Variants in NDST3 observed in about 807,000 individuals in gnomAD.
NDST3 encodes the protein bifunctional heparan sulfate N-deacetylase/N-sulfotransferase 3.
A neutral mutation model predicts 96.1 loss-of-function variants in NDST3; 58 were observed. The observed-to-expected ratio is 0.60, with a 90% CI of 0.49 to 0.75. The LOEUF (loss-of-function observed/expected upper bound fraction) is 0.75. Among genes scored for constraint, NDST3 ranks in the 30% least tolerant of loss-of-function variants. NDST3 has a pLI of 0.00. For missense variants in NDST3, 788 were observed against 1,034.2 expected, an observed-to-expected ratio of 0.76 and a Z score of 3.27; for synonymous variants, 333 against 359.7, an observed-to-expected ratio of 0.93 and a Z score of 0.84.
intron 13 of NDST3, among the ~76,000 whole-genome samples, chr4:118,254,454 T>G (rs967976203): frequency 6.6e-6 from 1 of 152,176 alleles, no homozygotes; most frequent in East Asian, 1.9e-4. Context: ...ACACACACTT[T>G]GCAGTATGTA....
chr4:118,138,798 G>GT (rs1354240827), intron 5 of NDST3, among the ~76,000 whole-genome samples: 2 of 152,114 alleles, frequency 1.3e-5, no homozygotes, highest in Non-Finnish European at 1.5e-5. Context: ...TCTCTGTTTT[G>GT]TTTTTTACAA....
intron 6 of NDST3, among the ~76,000 whole-genome samples, chr4:118,158,776 G>A (rs74971241): frequency 1.3e-5 from 2 of 152,300 alleles, no homozygotes; most frequent in East Asian, 3.9e-4. Context: ...CTGATATTAT[G>A]CACCTCCTGT....
At chr4:118,084,267 T>C (rs1241882488) in intron 2 of NDST3, among the ~76,000 whole-genome samples, 2 of 152,158 alleles carry the variant, frequency 1.3e-5, no homozygotes, top group East Asian at 3.9e-4. Flanking sequence ...GATGGATATG[T>C]TATTTGCTTC....
At chr4:118,174,566 T>C (rs1736158347) in intron 6 of NDST3, among the ~76,000 whole-genome samples, 1 of 152,178 alleles carries the variant, frequency 6.6e-6, no homozygotes, top group African/African-American at 2.4e-5. Context: ...TCTTAAAGCA[T>C]GTATGTTTCC....
chr4:118,115,383 G>A lies in NDST3; in HGVS notation c.1224+423G>A, dbSNP rs181379814. Among the ~76,000 whole-genome samples the A allele has an allele frequency of 5.3e-5, 8 of 152,300 alleles. No homozygotes were observed. The East Asian group carries it at 1.4e-3, about 26-fold the overall frequency. On this transcript the variant is annotated intron_variant, in intron 4 of 13. Transcript: ENST00000296499. Reference sequence around the variant, plus strand: ...AAAGAAATAAGTATCACTGGGAGTAGCCCAAGATGGATTCTTCTGGAAATA... The same window carrying A: ...AAAGAAATAAGTATCACTGGGAGTAACCCAAGATGGATTCTTCTGGAAATA...
At chr4:118,119,873 C>A (rs1731410111) in intron 4 of NDST3, among the ~76,000 whole-genome samples, 1 of 152,150 alleles carries the variant, frequency 6.6e-6, no homozygotes, top group Admixed American at 6.5e-5. Flanking sequence ...CGATCTCCAG[C>A]TGTCCAGCTG....
Position 118,154,248 on chromosome 4 carries a change from CT to C in NDST3, c.1539+10565del, listed in dbSNP as rs1370412946. On this transcript the variant is annotated intron_variant, in intron 6 of 13. Coordinates refer to ENST00000296499, the MANE Select transcript of NDST3 (RefSeq NM_004784.3). ...TGTATCTGTAAGTCACATATGTTGCCTAACACCTGCCCCACAGTGTGATTAT... is the reference window on the plus strand; with the variant it reads ...TGTATCTGTAAGTCACATATGTTGCCAACACCTGCCCCACAGTGTGATTAT... Among the ~76,000 whole-genome samples the C allele has an allele frequency of 3.3e-5, 5 of 152,172 alleles. 1 individual carries two copies. Among genetic ancestry groups the C allele is most frequent in the Admixed American group, 3.3e-4 (5 of 15,286 alleles).
At chr4:118,115,605 C>T (rs981373930) in intron 4 of NDST3, among the ~76,000 whole-genome samples, 3 of 152,082 alleles carry the variant, frequency 2.0e-5, no homozygotes, top group African/African-American at 7.2e-5. Context: ...AAGCAAGGTA[C>T]ACCATGTAAT....
In NDST3 at chr4:118,222,928, T is replaced by TATTTCCC. The variant is rs552558185; in HGVS notation, c.1540-1558_1540-1552dup. 2.7e-3 allele frequency among the ~76,000 whole-genome samples: 412 copies of TATTTCCC among 152,138 alleles called. 2 individuals carry two copies. Among genetic ancestry groups the TATTTCCC allele is most frequent in the African/African-American group, 8.6e-3 (357 of 41,558 alleles). On this transcript the variant is annotated intron_variant, in intron 6 of 13. Coordinates refer to ENST00000296499, the MANE Select transcript of NDST3 (RefSeq NM_004784.3). The stretch of plus-strand genomic sequence containing the variant: ...GTATCATGAGGTTATATAGTATCTC[T>TATTTCCC]ATTTCCCATTTTCTGTCCCATGCAG...
At chr4:118,143,720 T>TGATA (rs1733735400) in intron 6 of NDST3, 36 bp downstream of exon 6, 1 of 1,549,134 alleles carries the variant, frequency 6.5e-7, no homozygotes, top group African/African-American at 1.4e-5. Flanking sequence ...TAGTGAAAAA[T>TGATA]GATAGGGCTG....
At chr4:118,034,471 G>C (rs1724034398), upstream of NDST3, 1 of 152,132 alleles carries the variant, frequency 6.6e-6, no homozygotes, top group Non-Finnish European at 1.5e-5. Context: ...GCCAGGACTG[G>C]TGTTGCTACC....
At chr4:118,053,701 C>A in intron 1 of NDST3, 55 bp from the exon 2 acceptor site, 3 of 494,280 alleles carry the variant, frequency 6.1e-6, no homozygotes, top group Non-Finnish European at 1.0e-5. Flanking sequence ...AAGATAAAAA[C>A]TTGCTTATTT....
intron 3 of NDST3, among the ~76,000 whole-genome samples, chr4:118,111,121 C>G (rs554350440): frequency 1.3e-4 from 20 of 152,090 alleles, no homozygotes; most frequent in Non-Finnish European, 2.8e-4. Context: ...ACATCGAGTA[C>G]TCATAGTCAT....
At position 118,096,708 on chromosome 4, in the gene NDST3, T is replaced by C. The variant is rs140871240; in HGVS notation, c.982-8310T>C. On this transcript the variant is annotated intron_variant, in intron 2 of 13. Coordinates refer to ENST00000296499, the MANE Select transcript of NDST3 (RefSeq NM_004784.3). Reference sequence around the variant, plus strand: ...ATAGATAGATAGATAGATAGATAGATAGACAGTTAGGCAGATGTATTATAA... The same window carrying C: ...ATAGATAGATAGATAGATAGATAGACAGACAGTTAGGCAGATGTATTATAA... 9.5e-3 allele frequency among the ~76,000 whole-genome samples: 1,385 copies of C among 145,356 alleles called. 14 individuals carry two copies. The highest frequency in any genetic ancestry group is 0.036 in the South Asian group (164 of 4,538).
At chr4:118,160,313 T>C (rs1560687254) in intron 6 of NDST3, among the ~76,000 whole-genome samples, 4 of 152,022 alleles carry the variant, frequency 2.6e-5, no homozygotes, top group African/African-American at 4.8e-5. Flanking sequence ...GCCTGCAAAA[T>C]TGTCCTTCAA....
At chr4:118,109,699 A>G (rs923524468) in intron 3 of NDST3, among the ~76,000 whole-genome samples, 1 of 152,210 alleles carries the variant, frequency 6.6e-6, no homozygotes, top group Non-Finnish European at 1.5e-5. Context: ...TTAATATTTG[A>G]TCTTTCAAAA....
chr4:118,237,372 T>G (rs1449412303), intron 10 of NDST3, 152 bp downstream of exon 10: 6 of 548,812 alleles, frequency 1.1e-5, no homozygotes, highest in Non-Finnish European at 1.7e-5. Flanking sequence ...TTTCTTGATT[T>G]CTATTGAGAA....
At chr4:118,039,795 C>G (rs1464719584) in intron 1 of NDST3, among the ~76,000 whole-genome samples, 2 of 152,174 alleles carry the variant, frequency 1.3e-5, no homozygotes, top group African/African-American at 4.8e-5. Context: ...AAGAGATTAT[C>G]TCTTTTGGGA....
Position 118,107,437 on chromosome 4 carries a change from T to C in NDST3, c.1069+2332T>C, listed in dbSNP as rs187602881. Among the ~76,000 whole-genome samples, 501 of 152,276 alleles carry C rather than the reference T, an allele frequency of 3.3e-3. 4 individuals are homozygous for C. The highest frequency in any genetic ancestry group is 6.2e-3 in the Non-Finnish European group (420 of 68,008). ...TTGGTATACTCATATAATGGAATACTCTGCAGTCATTAAAAAGAGATAATT... is the reference window on the plus strand; with the variant it reads ...TTGGTATACTCATATAATGGAATACCCTGCAGTCATTAAAAAGAGATAATT... On this transcript the variant is annotated intron_variant, in intron 3 of 13. Transcript: ENST00000296499.
Sources: gnomAD v4.1 joint callset for allele counts (sites outside exome capture counted in the v4.1 genomes callset) on GRCh38, gnomAD v4.1.1 for gene constraint, MANE v1.5 for transcripts, NCBI Gene and HGNC (gene_info 2026-07-23, HGNC 2026-07-21) for gene names.